Variants in QRSL1 observed in about 807,000 individuals in gnomAD.
QRSL1 encodes glutamyl-tRNA(Gln) amidotransferase subunit A, mitochondrial.
In QRSL1, 54 loss-of-function variants were observed where a neutral mutation model predicts 61.6. That is an observed-to-expected ratio of 0.88 (90% CI 0.70 to 1.10). The LOEUF (loss-of-function observed/expected upper bound fraction) is 1.10. QRSL1 is among the 50% of genes least tolerant of loss of function. The pLI is 0.00. For synonymous variants in QRSL1, 228 were observed against 225.7 expected (o/e 1.01, Z -0.09); for missense variants, 505 against 622.6 (o/e 0.81, Z 2.01).
At chr6:106,640,156 T>G in intron 1 of QRSL1, 193 bp from the exon 2 acceptor site, 1 of 485,466 alleles carries the variant, frequency 2.1e-6, no homozygotes, top group South Asian at 3.2e-5. Context: ...CCTCCACCTG[T>G]CCTCAAGCTG....
chr6:106,653,211 T>C, intron 7 of QRSL1: 1 of 157,276 alleles, frequency 6.4e-6, no homozygotes, highest in East Asian at 1.9e-4. Context: ...AGCATTGCAA[T>C]ATATTAATAC....
intron 4 of QRSL1, among the ~76,000 whole-genome samples, chr6:106,646,959 CA>C (rs1177359643): frequency 2.9e-5 from 4 of 135,678 alleles, no homozygotes; most frequent in African/African-American, 1.1e-4. Context: ...ACCCGGGAGG[CA>C]GAGGTTGCAG....
intron 2 of QRSL1, 83 bp from the exon 3 acceptor site, chr6:106,640,740 A>T: frequency 8.1e-7 from 1 of 1,235,534 alleles, no homozygotes; most frequent in Non-Finnish European, 1.2e-6. Context: ...GCCAAAAACT[A>T]GTAGTTACTG....
intron 4 of QRSL1, 150 bp from the exon 5 acceptor site, chr6:106,648,875 T>C (rs1777152888): frequency 1.5e-6 from 1 of 656,610 alleles, no homozygotes; most frequent in African/African-American, 1.8e-5. Flanking sequence ...GAAAGCTACA[T>C]CTGAACAGGC....
intron 4 of QRSL1, among the ~76,000 whole-genome samples, chr6:106,644,782 G>A (rs1169638781): frequency 1.3e-5 from 2 of 152,184 alleles, no homozygotes; most frequent in Admixed American, 1.3e-4. Context: ...GTCTCCCAAA[G>A]TGCTGGGATC....
In QRSL1 at chr6:106,632,563, T is replaced by G. The variant is rs139355058; in HGVS notation, c.24+2858T>G. Among the ~76,000 whole-genome samples, 512 of 152,122 alleles carry G rather than the reference T, an allele frequency of 3.4e-3. 5 individuals are homozygous for G. Among genetic ancestry groups the G allele is most frequent in the African/African-American group, 0.012 (480 of 41,504 alleles). Reference sequence around the variant, plus strand: ...TAAGGCACCTCCATACTATTCTCCATAGTGGCTGTAGTAATTTACATTTCA... The same window carrying G: ...TAAGGCACCTCCATACTATTCTCCAGAGTGGCTGTAGTAATTTACATTTCA... On this transcript the variant is annotated intron_variant, in intron 1 of 10. Transcript: ENST00000369046.
intron 9 of QRSL1, among the ~76,000 whole-genome samples, chr6:106,661,827 T>G (rs1435876281): frequency 2.0e-5 from 3 of 147,754 alleles, no homozygotes; most frequent in Non-Finnish European, 4.5e-5. Context: ...TGCTCCTGCC[T>G]CAGCCTCCTG....
intron 5 of QRSL1, among the ~76,000 whole-genome samples, chr6:106,650,448 G>A (rs1196375464): frequency 6.6e-6 from 1 of 152,194 alleles, no homozygotes; most frequent in African/African-American, 2.4e-5. Flanking sequence ...TTAAATATAA[G>A]CAACAGAAGT....
intron 4 of QRSL1, among the ~76,000 whole-genome samples, chr6:106,645,423 T>G (rs527338885): frequency 8.8e-4 from 134 of 151,972 alleles, no homozygotes; most frequent in African/African-American, 3.1e-3. Context: ...GTTTTATGTT[T>G]CTTTTCTTTT....
intron 1 of QRSL1, among the ~76,000 whole-genome samples, chr6:106,635,320 GAGA>G (rs1466790612): frequency 2.6e-4 from 40 of 152,332 alleles, no homozygotes; most frequent in African/African-American, 8.7e-4. Flanking sequence ...CCTGAACACA[GAGA>G]AGAAGTGTTT....
intron 5 of QRSL1, among the ~76,000 whole-genome samples, chr6:106,651,714 G>A (rs2353036): frequency 0.53 from 80,018 of 151,886 alleles, 21,546 homozygotes; most frequent in Non-Finnish European, 0.57. Flanking sequence ...TAGGAGGGGC[G>A]TATTTAGTCT....
chr6:106,666,963 C>T lies in QRSL1; in HGVS notation c.*961C>T, dbSNP rs560782689. On this transcript the variant is annotated 3_prime_UTR_variant, in exon 11 of 11. Transcript: ENST00000369046. ...AACTTTCCTTTCCTCCTTAGAGTTA[C>T]AATTTTACTTCTGCTATTCCGGAGC... 1 of 152,190 alleles carries T rather than the reference C, an allele frequency of 6.6e-6. No individual in the cohort carries two copies. The highest frequency in any genetic ancestry group is 1.5e-5 in the Non-Finnish European group (1 of 68,028). The allele number at this position is 152,190 out of a possible 1,614,324, so 9.4% of individuals were successfully genotyped here.
intron 9 of QRSL1, among the ~76,000 whole-genome samples, chr6:106,661,074 T>C (rs1308666719): frequency 6.6e-6 from 1 of 152,058 alleles, no homozygotes; most frequent in African/African-American, 2.4e-5. Flanking sequence ...ATATTTAAAG[T>C]AGGAAGAAAT....
Position 106,665,866 on chromosome 6 carries a change from AC to A in QRSL1, c.1453del (p.Gln485SerfsTer6). ...GLQFIGRAFC[D>X]QQLLTVAKWF... ...CAGTTTATTGGACGTGCGTTTTGTG[AC>A]CAGCAGCTTCTTACAGTAGCCAAAT... On this transcript the variant is annotated frameshift_variant, in exon 11 of 11. Coordinates refer to ENST00000369046, the MANE Select transcript of QRSL1 (RefSeq NM_018292.5). LOFTEE classifies it high-confidence loss of function. The A allele has an allele frequency of 1.2e-6, 2 of 1,613,948 alleles. No homozygotes were observed.
chr6:106,633,384 C>T (rs1179352817), intron 1 of QRSL1, among the ~76,000 whole-genome samples: 1 of 151,954 alleles, frequency 6.6e-6, no homozygotes, highest in East Asian at 1.9e-4. Context: ...AATTTTTCCA[C>T]CCATTGTTGT....
intron 9 of QRSL1, among the ~76,000 whole-genome samples, chr6:106,662,649 C>T (rs1777374888): frequency 6.6e-6 from 1 of 152,186 alleles, no homozygotes; most frequent in African/African-American, 2.4e-5. Context: ...CAGAAGATGT[C>T]AGGCCCCAGG....
intron 4 of QRSL1, among the ~76,000 whole-genome samples, chr6:106,647,415 T>C (rs1297937111): frequency 6.6e-6 from 1 of 151,540 alleles, no homozygotes; most frequent in Non-Finnish European, 1.5e-5. Flanking sequence ...CAAGGCATGG[T>C]AGTGGATGCC....
chr6:106,663,055 C>A lies in QRSL1; in HGVS notation c.1236C>A (p.Asn412Lys). The A allele has an allele frequency of 6.2e-7, 1 of 1,612,788 alleles. No homozygotes were observed. Among genetic ancestry groups the A allele is most frequent in the Non-Finnish European group, 8.5e-7 (1 of 1,178,742 alleles). ...LIANDFVNAF[N>K]SGVDVLLTPT... is the part of the protein sequence containing the mutation. ...CTAATGACTTTGTAAATGCTTTTAA[C>A]TCTGGAGTAGATGTCTTGCTAACTC... The change falls in exon 10 of 11, where the codon AAC becomes AAA. Residue 412 changes from asparagine (N) to lysine (K), a missense_variant. Physicochemically the swap from Asn to Lys is moderately conservative, Grantham distance 94. Transcript: ENST00000369046.
intron 9 of QRSL1, among the ~76,000 whole-genome samples, chr6:106,659,390 G>C (rs919081923): frequency 6.6e-6 from 1 of 152,034 alleles, no homozygotes; most frequent in African/African-American, 2.4e-5. Context: ...ACTTGAACCT[G>C]GGAGGCAGAG....
Sources: gnomAD v4.1 joint callset for allele counts (sites outside exome capture counted in the v4.1 genomes callset) on GRCh38, gnomAD v4.1.1 for gene constraint, MANE v1.5 for transcripts, NCBI Gene and HGNC (gene_info 2026-07-23, HGNC 2026-07-21) for gene names.